Variants in ZNF236 observed in about 807,000 individuals in gnomAD.
ZNF236 encodes the protein regulated by glucose.
ZNF236 carries 50 observed loss-of-function variants against 191.2 expected under a neutral mutation model. The ratio of observed to expected loss-of-function variants is 0.26; its 90% CI spans 0.21 to 0.33. The LOEUF is 0.33. ZNF236 is among the 10% of genes least tolerant of loss of function. ZNF236 has a pLI of 1.00. For synonymous variants in ZNF236, 907 were observed against 928.8 expected (o/e 0.98, Z 0.43); for missense variants, 1,754 against 2,374.5 (o/e 0.74, Z 5.43).
chr18:76,894,353 T>TCAGA (rs1977337649), intron 9 of ZNF236, among the ~76,000 whole-genome samples: 3 of 152,218 alleles, frequency 2.0e-5, no homozygotes, highest in African/African-American at 7.2e-5. Flanking sequence ...AGTAGCTGGC[T>TCAGA]TGGTTCTCAG....
chr18:76,863,626 C>G (rs1976307497), intron 3 of ZNF236, among the ~76,000 whole-genome samples: 1 of 150,732 alleles, frequency 6.6e-6, no homozygotes, highest in Non-Finnish European at 1.5e-5. Context: ...CGGAGTCTTG[C>G]TGTGTTGCCC....
chr18:76,833,754 A>G (rs765689840), intron 1 of ZNF236, among the ~76,000 whole-genome samples: 9 of 152,178 alleles, frequency 5.9e-5, no homozygotes, highest in African/African-American at 9.6e-5. Flanking sequence ...AGAGTTTATA[A>G]TAAGGTTGAC....
intron 1 of ZNF236, among the ~76,000 whole-genome samples, chr18:76,833,942 C>T (rs1049708705): frequency 7.9e-5 from 12 of 152,086 alleles, no homozygotes; most frequent in African/African-American, 2.2e-4. Flanking sequence ...CCTCTCACCT[C>T]GGCCTCCCAA....
intron 3 of ZNF236, among the ~76,000 whole-genome samples, chr18:76,857,023 TC>T (rs911863539): frequency 9.2e-5 from 14 of 152,160 alleles, no homozygotes; most frequent in African/African-American, 3.1e-4. Flanking sequence ...GTGTAGCCCA[TC>T]CCCGCAGGGC....
chr18:76,882,296 T>C (rs1385721710), intron 9 of ZNF236, among the ~76,000 whole-genome samples: 4 of 152,200 alleles, frequency 2.6e-5, no homozygotes, highest in African/African-American at 9.7e-5. Context: ...GTGGATGGAC[T>C]CTGAGGGGTG....
chr18:76,927,127 C>A lies in ZNF236; in HGVS notation c.4118C>A (p.Pro1373Gln). ...CAGTTGGCTGCTAACTTGGTTGGAC[C>A]AAATGTACAGATTTCTGGAATCGAT... The part of the protein sequence containing the change: ...QLQLAANLVG[P>Q]NVQISGIDAA... Residue 1373 changes from proline to glutamine, a missense_variant, in exon 23 of 31, where the codon CCA becomes CAA. Around this residue, in one of 5 missense-constraint regions of ZNF236, gnomAD observed 606 missense variants for 761.5 expected, o/e 0.80. Transcript: ENST00000320610. This position sits in a 1 kb window ranked among gnomAD's most constrained non-coding sequence, Gnocchi z 5.4. The A allele has an allele frequency of 6.2e-7, 1 of 1,614,032 alleles. No homozygotes were observed. Among genetic ancestry groups the A allele is most frequent in the Non-Finnish European group, 8.5e-7 (1 of 1,180,008 alleles).
intron 13 of ZNF236, 131 bp downstream of exon 13, chr18:76,905,546 A>C: frequency 1.2e-3 from 7 of 5,884 alleles, no homozygotes; most frequent in Non-Finnish European, 1.9e-3. Context: ...TGGGCTCAAG[A>C]AAAAAAAAAA....
chr18:76,940,998 T>G (rs1305222176), intron 26 of ZNF236, among the ~76,000 whole-genome samples: 1 of 152,226 alleles, frequency 6.6e-6, no homozygotes, highest in East Asian at 1.9e-4. Flanking sequence ...TATGAGAATC[T>G]AGCTAATGCC....
chr18:76,953,420 C>T (rs373287469), intron 27 of ZNF236, among the ~76,000 whole-genome samples: 17 of 152,284 alleles, frequency 1.1e-4, no homozygotes, highest in East Asian at 5.8e-4. Flanking sequence ...CTTATGTAGC[C>T]GAGCCCTTCC....
chr18:76,850,915 A>C lies in ZNF236; in HGVS notation c.199-860A>C, dbSNP rs564213230. Among the ~76,000 whole-genome samples, 4 of 151,340 alleles carry C rather than the reference A, an allele frequency of 2.6e-5. No individual in the cohort carries two copies. In the East Asian group the frequency reaches 7.9e-4, roughly 30 times the overall value. On this transcript the variant is annotated intron_variant, in intron 2 of 30. Coordinates refer to ENST00000320610, the MANE Select transcript of ZNF236 (RefSeq NM_001306089.2). Reference sequence around the variant, plus strand: ...CACCACCCCCGGCCTGCTTGAAGTGATTTTGTTTATAATGATGGATTTGGT... The same window carrying C: ...CACCACCCCCGGCCTGCTTGAAGTGCTTTTGTTTATAATGATGGATTTGGT...
chr18:76,918,470 G>A (rs1026069418), intron 19 of ZNF236, among the ~76,000 whole-genome samples: 3 of 152,188 alleles, frequency 2.0e-5, no homozygotes, highest in Non-Finnish European at 4.4e-5. Context: ...TGTCACCCAG[G>A]CAGGAGTACA....
At chr18:76,847,431 A>G (rs1975722959) in intron 1 of ZNF236, among the ~76,000 whole-genome samples, 1 of 151,894 alleles carries the variant, frequency 6.6e-6, no homozygotes, top group African/African-American at 2.4e-5. Context: ...ATCAATTGCT[A>G]GGGTCCCAAC....
At chr18:76,882,565 A>G (rs1976929106) in intron 9 of ZNF236, among the ~76,000 whole-genome samples, 1 of 152,180 alleles carries the variant, frequency 6.6e-6, no homozygotes, top group Non-Finnish European at 1.5e-5. Context: ...AACCTTTCCC[A>G]GTTGTCTTGG....
At position 76,919,483 on chromosome 18, in the gene ZNF236, C is replaced by T. The variant is rs957421106; in HGVS notation, c.3275-293C>T. Among the ~76,000 whole-genome samples the T allele has an allele frequency of 9.9e-5, 15 of 152,160 alleles. No homozygotes were observed. Among genetic ancestry groups the T allele is most frequent in the African/African-American group, 3.6e-4 (15 of 41,430 alleles). ...ATTGTTGTTAACTAGTCACCCTACT[C>T]TGCTATCAAACATTAGAGCTTATTC... On this transcript the variant is annotated intron_variant, in intron 19 of 30. Coordinates refer to ENST00000320610, the MANE Select transcript of ZNF236 (RefSeq NM_001306089.2). This position sits in a 1 kb window ranked among gnomAD's most constrained non-coding sequence, Gnocchi z 5.3.
intron 3 of ZNF236, among the ~76,000 whole-genome samples, chr18:76,866,801 C>T (rs1018785608): frequency 1.6e-4 from 24 of 152,132 alleles, no homozygotes; most frequent in Admixed American, 1.6e-3. Context: ...AAGAACACTT[C>T]CTCAAGTGTT....
chr18:76,825,162 C>T (rs994340244), intron 1 of ZNF236, among the ~76,000 whole-genome samples: 3 of 152,202 alleles, frequency 2.0e-5, no homozygotes, highest in South Asian at 2.1e-4. Context: ...GTCTGAGAAG[C>T]ACTTTTTGCT....
At chr18:76,949,933 A>G (rs1234394693) in intron 27 of ZNF236, among the ~76,000 whole-genome samples, 4 of 151,792 alleles carry the variant, frequency 2.6e-5, no homozygotes, top group Non-Finnish European at 1.5e-5. Flanking sequence ...CTGGGATTAC[A>G]GGCATGAGCC....
chr18:76,882,610 A>G (rs1976930592), intron 9 of ZNF236, among the ~76,000 whole-genome samples: 1 of 152,228 alleles, frequency 6.6e-6, no homozygotes, highest in Admixed American at 6.5e-5. Flanking sequence ...AGCATGGAAT[A>G]ACATTGCCAT....
At chr18:76,870,088 G>A (rs1032986131) in intron 4 of ZNF236, among the ~76,000 whole-genome samples, 29 of 152,210 alleles carry the variant, frequency 1.9e-4, no homozygotes, top group Admixed American at 1.9e-3. Context: ...GAAGTTCCGT[G>A]CCAGTTGATT....
Sources: allele counts gnomAD v4.1 joint callset (sites outside exome capture counted in the v4.1 genomes callset), GRCh38; gene constraint gnomAD v4.1.1; regional missense constraint gnomAD v4.1.1; non-coding constraint Gnocchi (gnomAD v3.1); transcripts MANE v1.5; gene names NCBI Gene and HGNC (gene_info 2026-07-23, HGNC 2026-07-21).